The following HCN1 variants were observed in gnomAD, a reference collection of about 807,000 sequenced individuals.
HCN1 encodes the protein potassium/sodium hyperpolarization-activated cyclic nucleotide-gated channel 1.
HCN1 carries 13 observed loss-of-function variants against 78.9 expected under a neutral mutation model. That is an observed-to-expected ratio of 0.16 (90% CI 0.11 to 0.26). The LOEUF (loss-of-function observed/expected upper bound fraction) is 0.26, where lower values mean the gene tolerates loss of function less well. HCN1 is among the 10% of genes least tolerant of loss of function. The pLI is 1.00. For missense variants in HCN1, 810 were observed against 1,154.3 expected, an observed-to-expected ratio of 0.70 and a Z score of 4.32; for synonymous variants, 552 against 455.5, an observed-to-expected ratio of 1.21 and a Z score of -2.70.
At chr5:45,429,144 T>C (rs1236211971) in intron 3 of HCN1, among the ~76,000 whole-genome samples, 2 of 152,330 alleles carry the variant, frequency 1.3e-5, no homozygotes, top group East Asian at 3.9e-4. Context: ...ATGTGCACTC[T>C]GAGAATCACA....
chr5:45,400,189 T>C (rs1449198377), intron 3 of HCN1, among the ~76,000 whole-genome samples: 1 of 151,846 alleles, frequency 6.6e-6, no homozygotes, highest in African/African-American at 2.4e-5. Flanking sequence ...GGGTGTCGAG[T>C]GGAGACTACA....
In HCN1 at chr5:45,656,363, A is replaced by G; in HGVS notation, c.426-10755T>C. ...AACATGAACAAATCAATAATGTCTTATAAAACAGTACAAGTTCTAGGTTAG... is the reference window on the plus strand; with the variant it reads ...AACATGAACAAATCAATAATGTCTTGTAAAACAGTACAAGTTCTAGGTTAG... On this transcript the variant is annotated intron_variant, in intron 1 of 7. Transcript: ENST00000303230. Among the ~76,000 whole-genome samples, 2 of 152,164 alleles carry G rather than the reference A, an allele frequency of 1.3e-5. 1 individual carries two copies. Among genetic ancestry groups the G allele is most frequent in the Middle Eastern group, 6.3e-3 (2 of 316 alleles).
intron 5 of HCN1, among the ~76,000 whole-genome samples, chr5:45,324,438 A>G (rs1456676485): frequency 1.3e-5 from 2 of 152,004 alleles, no homozygotes; most frequent in Non-Finnish European, 2.9e-5. Flanking sequence ...AATGCAAATC[A>G]AAACCACAAT....
chr5:45,408,819 A>T (rs1426563836), intron 3 of HCN1, among the ~76,000 whole-genome samples: 1 of 152,164 alleles, frequency 6.6e-6, no homozygotes, highest in African/African-American at 2.4e-5. Context: ...ACAAAGTGAA[A>T]TTAAAGTGAA....
chr5:45,296,686 T>A (rs891807693), intron 6 of HCN1, among the ~76,000 whole-genome samples: 3 of 151,970 alleles, frequency 2.0e-5, no homozygotes, highest in Non-Finnish European at 4.4e-5. Context: ...TTGGAAAATA[T>A]ATTTTTTAAG....
chr5:45,563,152 T>C (rs911690589), intron 2 of HCN1, among the ~76,000 whole-genome samples: 1 of 152,186 alleles, frequency 6.6e-6, no homozygotes, highest in Non-Finnish European at 1.5e-5. Flanking sequence ...GTAGTGAATT[T>C]AAAATATATA....
intron 2 of HCN1, among the ~76,000 whole-genome samples, chr5:45,633,405 C>A (rs963135689): frequency 5.9e-5 from 9 of 151,794 alleles, no homozygotes; most frequent in Non-Finnish European, 1.0e-4. Context: ...AATCATCTGG[C>A]CAAAACATCA....
At chr5:45,441,276 T>C (rs1300478025) in intron 3 of HCN1, among the ~76,000 whole-genome samples, 2 of 152,138 alleles carry the variant, frequency 1.3e-5, no homozygotes, top group African/African-American at 4.8e-5. Flanking sequence ...GACTTTGTTT[T>C]ATTATCAATA....
Position 45,353,307 on chromosome 5 carries a change from T to G in HCN1, c.1231-61A>C, listed in dbSNP as rs1441325542. On this transcript the variant is annotated intron_variant, in intron 4 of 7. Transcript: ENST00000303230. ...TTGTTAGGGTGTATCAGAAATCATA[T>G]TATTTTGTTTTGCTATATTCAATAA... 12 of 1,276,526 alleles carry G rather than the reference T, an allele frequency of 9.4e-6. No individual in the cohort carries two copies. The Admixed American group carries it at 1.9e-4, about 21-fold the overall frequency. 79.1% of individuals were successfully genotyped at this position (1,276,526 alleles called of 1,614,324 possible). A position where few individuals can be genotyped will look rare whatever the true frequency, so the allele number is the denominator to read the frequency against.
intron 1 of HCN1, among the ~76,000 whole-genome samples, chr5:45,692,576 T>C (rs576577564): frequency 6.6e-6 from 1 of 152,342 alleles, no homozygotes; most frequent in Admixed American, 6.5e-5. Context: ...GACTGCTTTT[T>C]ACTCTCTGAA....
At chr5:45,336,421 CT>C (rs1203814315) in intron 5 of HCN1, among the ~76,000 whole-genome samples, 2 of 152,084 alleles carry the variant, frequency 1.3e-5, no homozygotes, top group African/African-American at 4.8e-5. Flanking sequence ...TTTAAGATGA[CT>C]TTACAATCAC....
chr5:45,372,009 A>G (rs1236454200), intron 4 of HCN1, among the ~76,000 whole-genome samples: 1 of 77,014 alleles, frequency 1.3e-5, no homozygotes, highest in Non-Finnish European at 2.3e-5. Flanking sequence ...TATAGTATAT[A>G]TCATATAATA....
intron 3 of HCN1, among the ~76,000 whole-genome samples, chr5:45,432,697 A>G (rs1007717543): frequency 6.6e-6 from 1 of 152,008 alleles, no homozygotes; most frequent in Non-Finnish European, 1.5e-5. Context: ...ATATGAAGAG[A>G]TGTTGAATTT....
chr5:45,639,862 G>A (rs182616138), intron 2 of HCN1, among the ~76,000 whole-genome samples: 2 of 152,158 alleles, frequency 1.3e-5, no homozygotes, highest in African/African-American at 4.8e-5. Context: ...TAAATCCCCT[G>A]CCTAAAATGT....
chr5:45,381,341 A>G (rs996556861), intron 4 of HCN1, among the ~76,000 whole-genome samples: 3 of 152,256 alleles, frequency 2.0e-5, no homozygotes, highest in Admixed American at 2.0e-4. Context: ...TCTCTCTTCT[A>G]TCATTATGGA....
At chr5:45,412,796 G>A (rs983796790) in intron 3 of HCN1, among the ~76,000 whole-genome samples, 1 of 152,002 alleles carries the variant, frequency 6.6e-6, no homozygotes, top group African/African-American at 2.4e-5. Flanking sequence ...AGGATGAAGA[G>A]AGCATGAGGA....
At chr5:45,365,347 A>G (rs1265338756) in intron 4 of HCN1, among the ~76,000 whole-genome samples, 2 of 151,810 alleles carry the variant, frequency 1.3e-5, no homozygotes, top group Admixed American at 6.6e-5. Flanking sequence ...CCCACCTCCC[A>G]TTCTCCACCC....
At chr5:45,467,596 T>G (rs999464323) in intron 2 of HCN1, among the ~76,000 whole-genome samples, 4 of 151,878 alleles carry the variant, frequency 2.6e-5, no homozygotes, top group African/African-American at 9.7e-5. Flanking sequence ...TACTACTTAA[T>G]TTTTTTTAAA....
intron 6 of HCN1, among the ~76,000 whole-genome samples, chr5:45,284,771 G>C (rs1745234265): frequency 6.6e-6 from 1 of 152,116 alleles, no homozygotes. Flanking sequence ...TACAGAAGAA[G>C]AGAGACCTTC....
Sources: allele counts gnomAD v4.1 joint callset (sites outside exome capture counted in the v4.1 genomes callset), GRCh38; gene constraint gnomAD v4.1.1; transcripts MANE v1.5; gene names NCBI Gene and HGNC (gene_info 2026-07-23, HGNC 2026-07-21).